ARHGEF10L: variants seen among roughly 807,000 people sequenced by gnomAD.
ARHGEF10L encodes Rho guanine nucleotide exchange factor 10 like.
In ARHGEF10L, 69 loss-of-function variants were observed where a neutral mutation model predicts 141.2. The observed-to-expected ratio is 0.49, with a 90% confidence interval of 0.40 to 0.60. The LOEUF (loss-of-function observed/expected upper bound fraction) is 0.60. Ranked by LOEUF, ARHGEF10L falls within the 20% of genes least tolerant of loss-of-function variation. The pLI is 0.00. For missense variants in ARHGEF10L, 1,482 were observed against 1,734.3 expected (o/e 0.85, Z 2.58); for synonymous variants, 711 against 718.5 (o/e 0.99, Z 0.17).
In ARHGEF10L at chr1:17,567,738, G is replaced by A. The variant is rs534838967; in HGVS notation, c.-43-12815G>A. On this transcript the variant is annotated intron_variant, in intron 1 of 28. Coordinates refer to ENST00000361221, the MANE Select transcript of ARHGEF10L (RefSeq NM_018125.4). ...TCCCGGGGCTGATTCTCCAGCCGGCGTGCTTTGCTTGAAGGGTCCATGTCT... is the reference window on the plus strand; with the variant it reads ...TCCCGGGGCTGATTCTCCAGCCGGCATGCTTTGCTTGAAGGGTCCATGTCT... Among the ~76,000 whole-genome samples the A allele has an allele frequency of 8.5e-5, 13 of 152,284 alleles. No homozygotes were observed. In the East Asian group the frequency reaches 1.9e-3, roughly 23 times the overall value.
At chr1:17,696,143 G>T (rs984356389) in intron 28 of ARHGEF10L, among the ~76,000 whole-genome samples, 2 of 151,780 alleles carry the variant, frequency 1.3e-5, no homozygotes, top group Non-Finnish European at 2.9e-5. Flanking sequence ...AACCCGGGAG[G>T]TGGAGGTTGC....
chr1:17,681,660 A>G (rs2064137158), intron 26 of ARHGEF10L, among the ~76,000 whole-genome samples: 1 of 152,190 alleles, frequency 6.6e-6, no homozygotes, highest in Non-Finnish European at 1.5e-5. Context: ...CTCCCACAGC[A>G]GTCCTCGGGG....
chr1:17,535,385 C>G (rs2076560271), upstream of ARHGEF10L, among the ~76,000 whole-genome samples: 1 of 152,224 alleles, frequency 6.6e-6, no homozygotes. Flanking sequence ...GACCTGGTTC[C>G]TAACAGGCCA....
At chr1:17,664,144 G>A (rs1157987470) in intron 25 of ARHGEF10L, among the ~76,000 whole-genome samples, 4 of 152,158 alleles carry the variant, frequency 2.6e-5, no homozygotes, top group African/African-American at 9.7e-5. Flanking sequence ...CTGCATGTGT[G>A]CGGAATGAAT....
intron 6 of ARHGEF10L, among the ~76,000 whole-genome samples, chr1:17,606,362 C>T (rs1570841320): frequency 6.6e-6 from 1 of 151,610 alleles, no homozygotes; most frequent in Middle Eastern, 3.2e-3. Context: ...GGCACGGTCT[C>T]GGCTCACTGC....
chr1:17,664,164 A>G (rs928581540), intron 25 of ARHGEF10L, among the ~76,000 whole-genome samples: 1 of 151,904 alleles, frequency 6.6e-6, no homozygotes, highest in African/African-American at 2.4e-5. Flanking sequence ...TGAATGGGAG[A>G]GAGGGAAAGA....
At chr1:17,618,655 C>T (rs2059940861) in intron 9 of ARHGEF10L, 4 of 645,966 alleles carry the variant, frequency 6.2e-6, no homozygotes, top group Non-Finnish European at 9.5e-6. Flanking sequence ...AGCCATTCAG[C>T]AGCTGGGATC....
rs780477750 is a variant in ARHGEF10L, at chr1:17,627,487, G to A, written c.1568G>A (p.Arg523His). ...CAGCTGACCAAGAGCGTCAGTGACC[G>A]CAGCAGCCTCAACAAGGTGAGCTGG... ...IQQLTKSVSD[R>H]SSLNKLLTSG... The change falls in exon 15 of 29, where the codon CGC (arginine) becomes CAC (histidine). Residue 523 changes from arginine to histidine, a missense_variant. Physicochemically the swap from Arg to His is conservative, Grantham distance 29 (BLOSUM62 0). This residue lies in a region of ARHGEF10L where 392 missense variants were observed against 542.1 expected (regional missense o/e 0.72). Transcript: ENST00000361221. The surrounding 1 kb of genome is among the most constrained non-coding windows in gnomAD (Gnocchi z 4.0). 2.5e-6 allele frequency: 4 copies of A among 1,611,882 alleles called. No individual in the cohort carries two copies. Among genetic ancestry groups the A allele is most frequent in the South Asian group, 1.1e-5 (1 of 90,984 alleles).
At chr1:17,692,611 C>G (rs911151905) in intron 27 of ARHGEF10L, among the ~76,000 whole-genome samples, 1 of 152,180 alleles carries the variant, frequency 6.6e-6, no homozygotes, top group African/African-American at 2.4e-5. Flanking sequence ...CTCACTGCCG[C>G]CGCCCTTCCC....
In ARHGEF10L at chr1:17,539,858, C is replaced by T. The variant is rs1010641464; in HGVS notation, c.-136C>T. On this transcript the variant is annotated 5_prime_UTR_variant, in exon 1 of 29. Coordinates refer to ENST00000361221, the MANE Select transcript of ARHGEF10L (RefSeq NM_018125.4). This position sits in a 1 kb window ranked among gnomAD's most constrained non-coding sequence, Gnocchi z 6.0. The stretch of plus-strand genomic sequence containing the variant: ...GGGCGCCGTCCCGGCCATGGGCGCC[C>T]GCGGCGGCCTGCGGAGCTGGAGGCG... The T allele has an allele frequency of 6.7e-6, 1 of 148,246 alleles. No homozygotes were observed. The highest frequency in any genetic ancestry group is 1.5e-5 in the Non-Finnish European group (1 of 66,576). The allele number at this position is 148,246 out of a possible 1,614,324, so 9.2% of individuals were successfully genotyped here.
At chr1:17,563,236 T>TC (rs1570484945) in intron 1 of ARHGEF10L, among the ~76,000 whole-genome samples, 2 of 140,884 alleles carry the variant, frequency 1.4e-5, no homozygotes, top group African/African-American at 5.5e-5. Flanking sequence ...AGAGCCCTTT[T>TC]CTTTTTTTTT....
chr1:17,641,000 C>T (rs1436302302), intron 21 of ARHGEF10L, among the ~76,000 whole-genome samples: 2 of 152,254 alleles, frequency 1.3e-5, no homozygotes, highest in South Asian at 4.1e-4. Flanking sequence ...CAGAGATGTG[C>T]GGGGACTTGC....
intron 6 of ARHGEF10L, among the ~76,000 whole-genome samples, chr1:17,605,450 C>T (rs549711824): frequency 6.6e-6 from 1 of 152,142 alleles, no homozygotes; most frequent in Non-Finnish European, 1.5e-5. Flanking sequence ...CATGAGGGGA[C>T]CCTTATGTGG....
intron 27 of ARHGEF10L, among the ~76,000 whole-genome samples, chr1:17,689,396 G>A (rs920006481): frequency 6.8e-5 from 10 of 146,216 alleles, no homozygotes; most frequent in South Asian, 2.2e-4. Flanking sequence ...CTTCACTCAC[G>A]TTCTCCTGGG....
intron 2 of ARHGEF10L, 50 bp downstream of exon 2, chr1:17,580,682 C>A: frequency 6.2e-7 from 1 of 1,610,368 alleles, no homozygotes; most frequent in Non-Finnish European, 8.5e-7. Flanking sequence ...TAGAAGGGGG[C>A]CGCTGGGGGC....
intron 1 of ARHGEF10L, among the ~76,000 whole-genome samples, chr1:17,560,329 T>A (rs1008166325): frequency 1.3e-5 from 2 of 152,176 alleles, no homozygotes; most frequent in African/African-American, 4.8e-5. Flanking sequence ...GTCCACACTT[T>A]CCCCACCTGG....
chr1:17,534,926 C>A (rs2076553639), upstream of ARHGEF10L, among the ~76,000 whole-genome samples: 1 of 152,028 alleles, frequency 6.6e-6, no homozygotes, highest in African/African-American at 2.4e-5. Flanking sequence ...GGCCCTCAAA[C>A]TTTTTGGCCT....
At chr1:17,531,794 C>T in the ARHGEF10L span, among the ~76,000 whole-genome samples, 22 of 152,288 alleles carry the variant, frequency 1.4e-4, no homozygotes, top group East Asian at 3.1e-3. Context: ...AGGACACAGC[C>T]GGATAAGAGC....
At chr1:17,552,556 A>G (rs1470158231) in intron 1 of ARHGEF10L, among the ~76,000 whole-genome samples, 1 of 136,592 alleles carries the variant, frequency 7.3e-6, no homozygotes, top group Non-Finnish European at 1.5e-5. Flanking sequence ...ATGCTACCAC[A>G]GCTGGCTAAT....
Sources: allele counts gnomAD v4.1 joint callset (sites outside exome capture counted in the v4.1 genomes callset), GRCh38; gene constraint gnomAD v4.1.1; regional missense constraint gnomAD v4.1.1; non-coding constraint Gnocchi (gnomAD v3.1); transcripts MANE v1.5; gene names NCBI Gene and HGNC (gene_info 2026-07-23, HGNC 2026-07-21).